AK2: variants seen among roughly 807,000 people sequenced by gnomAD.
AK2 encodes the protein adenylate kinase 2.
AK2 carries 15 observed loss-of-function variants against 24.6 expected under a neutral mutation model. The ratio of observed to expected loss-of-function variants is 0.61; its 90% CI spans 0.41 to 0.94. The LOEUF (loss-of-function observed/expected upper bound fraction) is 0.94, where lower values mean the gene tolerates loss of function less well. Among genes scored for constraint, AK2 ranks in the 40% least tolerant of loss-of-function variants. The probability of loss-of-function intolerance (pLI) is 0.00; values close to 1 mark genes in which losing one functional copy is unlikely to be tolerated. For missense variants in AK2, 257 were observed against 304.1 expected (o/e 0.85, Z 1.15); for synonymous variants, 102 against 114.0 (o/e 0.90, Z 0.67).
At chr1:33,020,903 T>C (rs1322877726) in intron 4 of AK2, among the ~76,000 whole-genome samples, 1 of 151,102 alleles carries the variant, frequency 6.6e-6, no homozygotes, top group Non-Finnish European at 1.5e-5. Flanking sequence ...TCCTAGCACT[T>C]TGGGAGGCCG....
chr1:33,011,398 T>C lies in AK2; in HGVS notation c.*1783A>G, dbSNP rs1638809820. ...GAGTTTCCATTAAGAGTGGGTGGAG[T>C]TGGTTTAGAGCCAGGAAAACAAGGC... On this transcript the variant is annotated 3_prime_UTR_variant, in exon 6 of 6. Transcript: ENST00000672715. The C allele has an allele frequency of 7.8e-7, 1 of 1,287,106 alleles. No individual in the cohort carries two copies. Among genetic ancestry groups the C allele is most frequent in the Non-Finnish European group, 1.0e-6 (1 of 988,808 alleles). 79.7% of individuals were successfully genotyped at this position (1,287,106 alleles called of 1,614,324 possible).
chr1:33,019,804 G>A (rs1639418219), intron 4 of AK2: 1 of 1,118,456 alleles, frequency 8.9e-7, no homozygotes, highest in Non-Finnish European at 1.1e-6. Flanking sequence ...TTTTAACAGT[G>A]GCTAACTGGA....
In AK2 at chr1:33,010,667, T is replaced by C; in HGVS notation, c.*2514A>G. ...CTATGTATAAAAGAAACTGCCACAC[T>C]ACAATAACACTGCTGTTGTTCCAAG... On this transcript the variant is annotated 3_prime_UTR_variant, in exon 6 of 6. Transcript: ENST00000672715. The C allele has an allele frequency of 1.3e-6, 2 of 1,573,340 alleles. No homozygotes were observed. Among genetic ancestry groups the C allele is most frequent in the Non-Finnish European group, 1.7e-6 (2 of 1,155,550 alleles).
chr1:33,010,480 C>T lies in AK2; in HGVS notation c.*2701G>A, dbSNP rs1429058628. 1 of 605,564 alleles carries T rather than the reference C, an allele frequency of 1.7e-6. No individual in the cohort carries two copies. Among genetic ancestry groups the T allele is most frequent in the East Asian group, 3.7e-5 (1 of 27,048 alleles). 37.5% of individuals were successfully genotyped at this position (605,564 alleles called of 1,614,324 possible). A position where few individuals can be genotyped will look rare whatever the true frequency, so the allele number is the denominator to read the frequency against. ...AACCCATGGGGTTCTGAGATAAAAGCTGAGGTCTTAGAGCACTGGCTTTAA... is the reference window on the plus strand; with the variant it reads ...AACCCATGGGGTTCTGAGATAAAAGTTGAGGTCTTAGAGCACTGGCTTTAA... On this transcript the variant is annotated 3_prime_UTR_variant, in exon 6 of 6. Coordinates refer to ENST00000672715, the MANE Select transcript of AK2 (RefSeq NM_001625.4).
At chr1:33,025,014 G>A (rs567776016) in intron 1 of AK2, among the ~76,000 whole-genome samples, 16 of 151,950 alleles carry the variant, frequency 1.1e-4, no homozygotes, top group Admixed American at 3.9e-4. Context: ...GGGAAACCCC[G>A]TCTCTACTAA....
Position 33,011,210 on chromosome 1 carries a change from T to C in AK2, c.*1971A>G, listed in dbSNP as rs77110341. 55,202 of 1,308,476 alleles carry C rather than the reference T, an allele frequency of 0.042. 1,373 individuals carry two copies. The highest frequency in any genetic ancestry group is 0.05 in the Non-Finnish European group (50,328 of 1,005,858). 81.1% of individuals were successfully genotyped at this position (1,308,476 alleles called of 1,614,324 possible). A position where few individuals can be genotyped will look rare whatever the true frequency, so the allele number is the denominator to read the frequency against. The stretch of plus-strand genomic sequence containing the variant: ...CAACTTTGAGGCCAAGTGCTTACAA[T>C]TGTCCCTAGTTAAAGGGGAGCTGAT... On this transcript the variant is annotated 3_prime_UTR_variant, in exon 6 of 6. Transcript: ENST00000672715.
chr1:33,008,204 G>A lies in AK2; in HGVS notation c.*4977C>T. On this transcript the variant is annotated 3_prime_UTR_variant, in exon 6 of 6. Transcript: ENST00000672715. ...GTCCTGGGCAGTCCAACCCACATGA[G>A]TATCTTGGTCACTAGTGTCATCAGC... 4.4e-6 allele frequency: 2 copies of A among 454,302 alleles called. No individual in the cohort carries two copies. The highest frequency in any genetic ancestry group is 1.6e-5 in the South Asian group (1 of 64,472). 28.1% of individuals were successfully genotyped at this position (454,302 alleles called of 1,614,324 possible). A position where few individuals can be genotyped will look rare whatever the true frequency, so the allele number is the denominator to read the frequency against.
Position 33,011,624 on chromosome 1 carries a change from T to C in AK2, c.*1557A>G. 1 of 1,290,358 alleles carries C rather than the reference T, an allele frequency of 7.7e-7. No homozygotes were observed. Among genetic ancestry groups the C allele is most frequent in the Non-Finnish European group, 1.0e-6 (1 of 990,980 alleles). The allele number at this position is 1,290,358 out of a possible 1,614,324, so 79.9% of individuals were successfully genotyped here. On this transcript the variant is annotated 3_prime_UTR_variant, in exon 6 of 6. Coordinates refer to ENST00000672715, the MANE Select transcript of AK2 (RefSeq NM_001625.4). ...GCAGATTATGCTGAGGCTGGCGATA[T>C]TATTTACTGGATCTGCCACTGACTT... is the stretch of plus-strand genomic sequence containing the variant.
rs1234589796 is a variant in AK2 at position 33,011,099 on chromosome 1, TG to T, written c.*2081del. The T allele has an allele frequency of 2.8e-6, 4 of 1,434,994 alleles. No individual in the cohort carries two copies. Among genetic ancestry groups the T allele is most frequent in the East Asian group, 5.1e-5 (2 of 39,080 alleles). The allele number at this position is 1,434,994 out of a possible 1,614,324, so 88.9% of individuals were successfully genotyped here. On this transcript the variant is annotated 3_prime_UTR_variant, in exon 6 of 6. Transcript: ENST00000672715. Reference sequence around the variant, plus strand: ...CAGCCCAAATATTACTTGTACATGTTGTATGCACACGTGAATCTATGTGGAC... The same window carrying T: ...CAGCCCAAATATTACTTGTACATGTTTATGCACACGTGAATCTATGTGGAC...
Position 33,036,857 on chromosome 1 carries a change from T to C in AK2, c.-29A>G, listed in dbSNP as rs1640627444. The C allele has an allele frequency of 1.3e-6, 2 of 1,555,058 alleles. No individual in the cohort carries two copies. The highest frequency in any genetic ancestry group is 1.7e-6 in the Non-Finnish European group (2 of 1,146,010). ...CGCCGAAGTCTCTCACTGCCACCAG[T>C]TCGCACGCCTCACAGGTCCAGTGCT... On this transcript the variant is annotated 5_prime_UTR_variant, in exon 1 of 6. Transcript: ENST00000672715.
In AK2 at chr1:33,013,411, A is replaced by G. The variant is rs2124281159; in HGVS notation, c.499-9T>C. 1 of 1,604,654 alleles carries G rather than the reference A, an allele frequency of 6.2e-7. No individual in the cohort carries two copies. The highest frequency in any genetic ancestry group is 1.1e-5 in the South Asian group (1 of 90,074). ...AAGGGTTCCCCGGTGATCTGAGAAC[A>G]GGAAGACAGCAATGAAAGGCTGGGA... On this transcript the variant is annotated splice_polypyrimidine_tract_variant and intron_variant, in intron 5 of 5. Transcript: ENST00000672715.
Position 33,013,006 on chromosome 1 carries a change from CACAT to C in AK2, c.*171_*174del, listed in dbSNP as rs752251309. The C allele has an allele frequency of 9.4e-6, 15 of 1,593,842 alleles. No individual in the cohort carries two copies. The East Asian group carries it at 2.5e-4, about 26-fold the overall frequency. ...CATGCACACACACACACACACAACA[CACAT>C]ACACACAGATGAGAGTAGCACACAC... On this transcript the variant is annotated 3_prime_UTR_variant, in exon 6 of 6. Transcript: ENST00000672715.
rs1638651402 is a variant in AK2, at chr1:33,009,206, CTT to C, written c.*3973_*3974del. 2 of 453,616 alleles carry C rather than the reference CTT, an allele frequency of 4.4e-6. No homozygotes were observed. The highest frequency in any genetic ancestry group is 8.8e-6 in the Non-Finnish European group (2 of 226,636). The allele number at this position is 453,616 out of a possible 1,614,324, so 28.1% of individuals were successfully genotyped here. A position where few individuals can be genotyped will look rare whatever the true frequency, so the allele number is the denominator to read the frequency against. On this transcript the variant is annotated 3_prime_UTR_variant, in exon 6 of 6. Coordinates refer to ENST00000672715, the MANE Select transcript of AK2 (RefSeq NM_001625.4). ...AGTGGTGCTTCCAGCCCAGCTCCCTCTTGTTTTGGGAACAACAGTCATTTCTC... is the reference window on the plus strand; with the variant it reads ...AGTGGTGCTTCCAGCCCAGCTCCCTCGTTTTGGGAACAACAGTCATTTCTC...
chr1:33,013,365 T>C lies in AK2; in HGVS notation c.536A>G (p.Asn179Ser), dbSNP rs1638969519. Residue 179 changes from asparagine to serine, a missense_variant, in exon 6 of 6, where the codon AAT (asparagine) becomes AGT (serine). Physicochemically the swap from Asn to Ser is conservative, Grantham distance 46 (BLOSUM62 1). Coordinates refer to ENST00000672715, the MANE Select transcript of AK2 (RefSeq NM_001625.4). ...CAGGCGGATTTTCAAGGCCTTTTCA[T>C]TATCATCTGATCGACGGATCAAGGG... ...GEPLIRRSDD[N>S]EKALKIRLQA... 2 of 1,614,172 alleles carry C rather than the reference T, an allele frequency of 1.2e-6. No individual in the cohort carries two copies. Among genetic ancestry groups the C allele is most frequent in the South Asian group, 2.2e-5 (2 of 91,082 alleles).
chr1:33,022,073 T>C (rs1426612593), intron 2 of AK2, among the ~76,000 whole-genome samples: 1 of 152,112 alleles, frequency 6.6e-6, no homozygotes, highest in East Asian at 1.9e-4. Context: ...GATAACAGCT[T>C]ATCAGCAATC....
rs1328634640 is a variant in AK2, at chr1:33,012,822, C to T, written c.*359G>A. ...TGAGGTGGGATAATTGCTTGAGCCC[C>T]AGGAGGCAGAGGTTGCCGTGAGCCA... is the stretch of plus-strand genomic sequence containing the variant. On this transcript the variant is annotated 3_prime_UTR_variant, in exon 6 of 6. Coordinates refer to ENST00000672715, the MANE Select transcript of AK2 (RefSeq NM_001625.4). The T allele has an allele frequency of 1.5e-5, 18 of 1,182,432 alleles. No homozygotes were observed. The highest frequency in any genetic ancestry group is 5.5e-5 in the East Asian group (1 of 18,114). The allele number at this position is 1,182,432 out of a possible 1,614,324, so 73.2% of individuals were successfully genotyped here.
chr1:33,020,792 C>T (rs532308019), intron 4 of AK2, among the ~76,000 whole-genome samples: 1 of 151,590 alleles, frequency 6.6e-6, no homozygotes, highest in East Asian at 1.9e-4. Context: ...TTGCAGTGAG[C>T]CAAGATCGCG....
rs1283270869 is a variant in AK2 at position 33,036,629 on chromosome 1, C to A, written c.93+107G>T. On this transcript the variant is annotated intron_variant, in intron 1 of 5. Coordinates refer to ENST00000672715, the MANE Select transcript of AK2 (RefSeq NM_001625.4). Reference sequence around the variant, plus strand: ...GACCCCGGCCAGCGTTCCCCGCAGGCCTTAGTCCCCGGCCCGCTCCGGGCA... The same window carrying A: ...GACCCCGGCCAGCGTTCCCCGCAGGACTTAGTCCCCGGCCCGCTCCGGGCA... 8 of 1,062,480 alleles carry A rather than the reference C, an allele frequency of 7.5e-6. No individual in the cohort carries two copies. In the East Asian group the frequency reaches 1.6e-4, roughly 21 times the overall value. The allele number at this position is 1,062,480 out of a possible 1,614,324, so 65.8% of individuals were successfully genotyped here. A position where few individuals can be genotyped will look rare whatever the true frequency, so the allele number is the denominator to read the frequency against.
chr1:33,020,860 A>G lies in AK2; in HGVS notation c.425+507T>C, dbSNP rs12041090. Among the ~76,000 whole-genome samples, 36 of 125,100 alleles carry G rather than the reference A, an allele frequency of 2.9e-4. No individual in the cohort carries two copies. In the East Asian group the frequency reaches 3.7e-3, roughly 13 times the overall value. 82.1% of individuals were successfully genotyped at this position (125,100 alleles called of 152,430 possible). A position where few individuals can be genotyped will look rare whatever the true frequency, so the allele number is the denominator to read the frequency against. ...ACTCTGTCTCAAAAAAAAAAAAGCA[A>G]TAAGAGCCAGGCACAGTGGCTCAAG... On this transcript the variant is annotated intron_variant, in intron 4 of 5. Coordinates refer to ENST00000672715, the MANE Select transcript of AK2 (RefSeq NM_001625.4).
Sources: allele counts gnomAD v4.1 joint callset (sites outside exome capture counted in the v4.1 genomes callset), GRCh38; gene constraint gnomAD v4.1.1; transcripts MANE v1.5; gene names NCBI Gene and HGNC (gene_info 2026-07-23, HGNC 2026-07-21).